The following PRKD3 variants were observed in gnomAD, a reference collection of about 807,000 sequenced individuals.
PRKD3 encodes serine/threonine-protein kinase D3.
Under a neutral mutation model 99.2 loss-of-function variants are expected in PRKD3, and 47 were observed. That is an observed-to-expected ratio of 0.47 (90% CI 0.38 to 0.60). PRKD3 has a LOEUF of 0.60. Ranked by LOEUF, PRKD3 falls within the 20% of genes least tolerant of loss-of-function variation. PRKD3 has a pLI of 0.00. For missense variants in PRKD3, 1,019 were observed against 1,088.4 expected (o/e 0.94, Z 0.90); for synonymous variants, 392 against 355.4 (o/e 1.10, Z -1.16).
intron 2 of PRKD3, among the ~76,000 whole-genome samples, chr2:37,315,344 A>G (rs1354701124): frequency 2.6e-5 from 4 of 152,228 alleles, no homozygotes; most frequent in African/African-American, 4.8e-5. Flanking sequence ...GAGAAACAAC[A>G]TAAAACCACC....
At position 37,266,348 on chromosome 2, in the gene PRKD3, G is replaced by A. The variant is rs138105656; in HGVS notation, c.1884+1082C>T. Among the ~76,000 whole-genome samples the A allele has an allele frequency of 4.4e-3, 675 of 152,278 alleles. 3 individuals carry two copies. Among genetic ancestry groups the A allele is most frequent in the Non-Finnish European group, 7.8e-3 (532 of 68,008 alleles). ...AACCATTTTTTGTTGTTGTTGAGAC[G>A]GAGTTTCCCTCTTGTTGCCCAGGCT... On this transcript the variant is annotated intron_variant, in intron 14 of 18. Transcript: ENST00000234179.
At chr2:37,257,991 G>A (rs1668116066) in intron 16 of PRKD3, among the ~76,000 whole-genome samples, 1 of 152,186 alleles carries the variant, frequency 6.6e-6, no homozygotes. Flanking sequence ...GAGCTTGGCA[G>A]AACTCAGAAC....
chr2:37,273,702 C>T (rs779756260), intron 11 of PRKD3, among the ~76,000 whole-genome samples: 1 of 152,136 alleles, frequency 6.6e-6, no homozygotes, highest in Non-Finnish European at 1.5e-5. Context: ...AAATAAACTA[C>T]CTTTGGAAAG....
At position 37,251,362 on chromosome 2, in the gene PRKD3, ATAC is replaced by A. The variant is rs1667477391; in HGVS notation, c.*1812_*1814del. 6.6e-6 allele frequency: 1 copy of A among 152,596 alleles called. No individual in the cohort carries two copies. Among genetic ancestry groups the A allele is most frequent in the African/African-American group, 2.4e-5 (1 of 41,448 alleles). 9.5% of individuals were successfully genotyped at this position (152,596 alleles called of 1,614,324 possible). A position where few individuals can be genotyped will look rare whatever the true frequency, so the allele number is the denominator to read the frequency against. ...ATTAGAGCCATACTACTGGTCTCAA[ATAC>A]TACTAACTGTTTGAAATTTGGCAGT... On this transcript the variant is annotated 3_prime_UTR_variant, in exon 19 of 19. Transcript: ENST00000234179.
chr2:37,268,196 T>A (rs1225395137), intron 13 of PRKD3: 1 of 406,708 alleles, frequency 2.5e-6, no homozygotes, highest in East Asian at 7.2e-5. Context: ...CTTCTCTACA[T>A]AGCTATTTAT....
chr2:37,277,556 G>C (rs932044783), intron 9 of PRKD3, among the ~76,000 whole-genome samples: 2 of 152,128 alleles, frequency 1.3e-5, no homozygotes, highest in African/African-American at 4.8e-5. Flanking sequence ...TTTAGATGAA[G>C]TCTTAGTTCC....
chr2:37,303,460 G>A (rs754802552), intron 2 of PRKD3, among the ~76,000 whole-genome samples: 1 of 152,110 alleles, frequency 6.6e-6, no homozygotes, highest in Non-Finnish European at 1.5e-5. Context: ...AGACCTAAGA[G>A]AGTATTATAT....
intron 2 of PRKD3, among the ~76,000 whole-genome samples, chr2:37,310,514 T>G (rs1353001962): frequency 6.6e-6 from 1 of 152,212 alleles, no homozygotes; most frequent in Non-Finnish European, 1.5e-5. Context: ...AACACTATAC[T>G]GCTTCATATT....
At chr2:37,275,372 C>T (rs538320806) in intron 10 of PRKD3, among the ~76,000 whole-genome samples, 1 of 152,216 alleles carries the variant, frequency 6.6e-6, no homozygotes. Context: ...GATTAAGAGC[C>T]AAACAAGCAA....
At chr2:37,314,373 T>C (rs1002871689) in intron 2 of PRKD3, among the ~76,000 whole-genome samples, 1 of 152,202 alleles carries the variant, frequency 6.6e-6, no homozygotes, top group Admixed American at 6.5e-5. Context: ...TTTTAAGCTA[T>C]ATCCTATTTC....
chr2:37,286,247 G>A lies in PRKD3; in HGVS notation c.840C>T (p.Thr280=), dbSNP rs565266532. 1.0e-4 allele frequency: 162 copies of A among 1,614,028 alleles called. 4 individuals carry two copies. The South Asian group carries it at 1.7e-3, about 17-fold the overall frequency. ...VPHTFAVHSY[T]RPTICQYCKR... ...TGCAGTACTGACATATCGTGGGACG[G>A]GTGTAAGAGTGAACAGCAAATGTGT... Residue 280 remains threonine, a synonymous_variant, in exon 6 of 19, where the codon ACC becomes ACT. Coordinates refer to ENST00000234179, the MANE Select transcript of PRKD3 (RefSeq NM_005813.6).
At chr2:37,323,674 G>C (rs1572714978) in intron 1 of PRKD3, among the ~76,000 whole-genome samples, 1 of 151,788 alleles carries the variant, frequency 6.6e-6, no homozygotes, top group Admixed American at 6.6e-5. Context: ...AAGTAGAAGG[G>C]TAAAAAAAAA....
At position 37,290,872 on chromosome 2, in the gene PRKD3, A is replaced by G. The variant is rs1266693534; in HGVS notation, c.555T>C (p.Cys185=). 1.9e-6 allele frequency: 3 copies of G among 1,587,266 alleles called. No homozygotes were observed. Among genetic ancestry groups the G allele is most frequent in the South Asian group, 1.2e-5 (1 of 86,706 alleles). Residue 185 remains cysteine (C), a synonymous_variant, in exon 4 of 19, where the codon TGT becomes TGC. Transcript: ENST00000234179. Reference sequence around the variant, plus strand: ...CAAAAATTTTAGAACACACACCTTCACATTTCAGTCCTTGACGTACCAATC... The same window carrying G: ...CAAAAATTTTAGAACACACACCTTCGCATTTCAGTCCTTGACGTACCAATC... ...LWGLVRQGLK[C]EGCGLNYHKR... is the part of the protein sequence containing the mutation.
At chr2:37,280,190 G>A (rs866417377) in intron 7 of PRKD3, among the ~76,000 whole-genome samples, 3 of 151,322 alleles carry the variant, frequency 2.0e-5, no homozygotes, top group Non-Finnish European at 2.9e-5. Context: ...GATTACAGGC[G>A]CCCACCACCA....
At chr2:37,291,046 A>G (rs372459042) in intron 3 of PRKD3, 47 bp from the exon 4 acceptor site, 4 of 1,520,220 alleles carry the variant, frequency 2.6e-6, no homozygotes, top group Non-Finnish European at 3.6e-6. Context: ...TTGTACTGCG[A>G]TGAGATTAAG....
Position 37,260,231 on chromosome 2 carries a change from C to T in PRKD3, c.2038G>A (p.Val680Ile). ...AAAAGGAGTTAAAATACCTGTGTGA[C>T]CATGAATTTAGTAATTCGTTCTGGA... ...RLPERITKFM[V>I]TQILVALRNL... Residue 680 changes from valine to isoleucine, a missense_variant, in exon 15 of 19, where the codon GTC becomes ATC. Transcript: ENST00000234179. 1.2e-6 allele frequency: 2 copies of T among 1,608,216 alleles called. No individual in the cohort carries two copies. Among genetic ancestry groups the T allele is most frequent in the Non-Finnish European group, 1.7e-6 (2 of 1,176,306 alleles).
intron 1 of PRKD3, chr2:37,324,167 G>A: frequency 5.1e-6 from 5 of 985,112 alleles, no homozygotes; most frequent in Middle Eastern, 5.2e-4. Flanking sequence ...TGGGGCGAGG[G>A]GCTTACATTC....
chr2:37,297,845 T>C (rs1015910083), intron 2 of PRKD3, among the ~76,000 whole-genome samples: 3 of 152,222 alleles, frequency 2.0e-5, no homozygotes, highest in Admixed American at 6.5e-5. Flanking sequence ...CTGATGTTGG[T>C]TGAGGTAGTG....
At chr2:37,262,611 A>G (rs72863136) in intron 14 of PRKD3, among the ~76,000 whole-genome samples, 5,742 of 152,248 alleles carry the variant, frequency 0.038, 321 homozygotes, top group African/African-American at 0.13. Context: ...TCAGAATATT[A>G]TAACTTTTAT....
Sources: gnomAD v4.1 joint callset for allele counts (sites outside exome capture counted in the v4.1 genomes callset) on GRCh38, gnomAD v4.1.1 for gene constraint, MANE v1.5 for transcripts, NCBI Gene and HGNC (gene_info 2026-07-23, HGNC 2026-07-21) for gene names.